SLC35F3: variants seen among roughly 807,000 people sequenced by gnomAD.
SLC35F3 encodes the protein putative thiamine transporter SLC35F3.
Under a neutral mutation model 49.9 loss-of-function variants are expected in SLC35F3, and 25 were observed. The observed-to-expected ratio is 0.50, with a 90% CI of 0.37 to 0.70. SLC35F3 has a LOEUF of 0.70. Ranked by LOEUF, SLC35F3 falls within the 30% of genes least tolerant of loss-of-function variation. The pLI is 0.00. For synonymous variants in SLC35F3, 275 were observed against 265.4 expected (o/e 1.04, Z -0.35); for missense variants, 525 against 639.8 (o/e 0.82, Z 1.94).
chr1:234,113,281 G>C (rs980826118), intron 2 of SLC35F3, among the ~76,000 whole-genome samples: 2 of 152,124 alleles, frequency 1.3e-5, no homozygotes, highest in Non-Finnish European at 2.9e-5. Flanking sequence ...ATGGAGCCAG[G>C]AGAAACCTGG....
At chr1:234,051,549 T>C (rs1420365733) in intron 2 of SLC35F3, among the ~76,000 whole-genome samples, 1 of 152,210 alleles carries the variant, frequency 6.6e-6, no homozygotes, top group Non-Finnish European at 1.5e-5. Flanking sequence ...GCTGAGATGA[T>C]GGGGTTTTCT....
At chr1:234,229,902 C>T (rs772712993) in intron 2 of SLC35F3, among the ~76,000 whole-genome samples, 4 of 152,280 alleles carry the variant, frequency 2.6e-5, no homozygotes, top group African/African-American at 7.2e-5. Flanking sequence ...GGCATAAGCG[C>T]GCAGATCCCC....
chr1:234,005,889 G>T (rs370757125), intron 2 of SLC35F3, among the ~76,000 whole-genome samples: 1 of 152,114 alleles, frequency 6.6e-6, no homozygotes, highest in East Asian at 1.9e-4. Context: ...ACTGGATCAC[G>T]CATCCTGACT....
At chr1:234,297,859 A>T (rs2102988916) in intron 3 of SLC35F3, among the ~76,000 whole-genome samples, 1 of 152,286 alleles carries the variant, frequency 6.6e-6, no homozygotes, top group Admixed American at 6.5e-5. Flanking sequence ...AGTTTCAGTT[A>T]TGCAAGATGA....
intron 2 of SLC35F3, among the ~76,000 whole-genome samples, chr1:234,107,865 G>A (rs572176407): frequency 7.9e-5 from 12 of 152,186 alleles, no homozygotes; most frequent in African/African-American, 2.6e-4. Context: ...ACACTTTATA[G>A]AAAAACATGG....
At chr1:234,073,649 G>C (rs1416024588) in intron 2 of SLC35F3, among the ~76,000 whole-genome samples, 5 of 152,152 alleles carry the variant, frequency 3.3e-5, no homozygotes, top group African/African-American at 1.2e-4. Flanking sequence ...CTGTGAATCA[G>C]ATCAATTTAA....
chr1:234,227,837 T>C (rs1033706639), intron 2 of SLC35F3, among the ~76,000 whole-genome samples: 7 of 152,196 alleles, frequency 4.6e-5, no homozygotes, highest in Admixed American at 4.6e-4. Flanking sequence ...AAAAGAGATA[T>C]AGCTTCCTCA....
intron 3 of SLC35F3, among the ~76,000 whole-genome samples, chr1:234,257,888 G>T (rs1275263499): frequency 6.6e-6 from 1 of 152,180 alleles, no homozygotes; most frequent in African/African-American, 2.4e-5. Context: ...CATTTGATAG[G>T]TATATGCATT....
chr1:233,911,383 G>T (rs573124859), intron 2 of SLC35F3, among the ~76,000 whole-genome samples: 2 of 152,310 alleles, frequency 1.3e-5, no homozygotes, highest in Non-Finnish European at 1.5e-5. Context: ...TATGAAATAT[G>T]AGATGGAGAA....
intron 2 of SLC35F3, among the ~76,000 whole-genome samples, chr1:233,947,543 C>T (rs780758753): frequency 1.9e-4 from 29 of 151,036 alleles, no homozygotes; most frequent in Non-Finnish European, 3.4e-4. Context: ...TTGAGGTCAG[C>T]GTCTTCTCAA....
chr1:234,152,857 G>A (rs377428102), intron 2 of SLC35F3, among the ~76,000 whole-genome samples: 77 of 152,238 alleles, frequency 5.1e-4, no homozygotes, highest in African/African-American at 1.3e-3. Flanking sequence ...ATGTAAAAGC[G>A]TTTCTATTTA....
intron 2 of SLC35F3, among the ~76,000 whole-genome samples, chr1:234,178,607 CA>C (rs773658103): frequency 3.3e-5 from 5 of 152,256 alleles, no homozygotes; most frequent in South Asian, 4.1e-4. Flanking sequence ...TGCTACCATT[CA>C]TGAACCCATA....
intron 2 of SLC35F3, among the ~76,000 whole-genome samples, chr1:234,175,445 A>G (rs1331516359): frequency 6.6e-6 from 1 of 152,098 alleles, no homozygotes; most frequent in East Asian, 1.9e-4. Context: ...CATCCCAAAA[A>G]CCTATTTAAA....
intron 7 of SLC35F3, among the ~76,000 whole-genome samples, chr1:234,322,377 T>C (rs1657641934): frequency 6.6e-6 from 1 of 152,160 alleles, no homozygotes; most frequent in African/African-American, 2.4e-5. Flanking sequence ...TATGTGTTAT[T>C]TGTGTTATGT....
chr1:234,189,250 T>C (rs1049032350), intron 2 of SLC35F3, among the ~76,000 whole-genome samples: 1 of 147,848 alleles, frequency 6.8e-6, no homozygotes, highest in Non-Finnish European at 1.5e-5. Flanking sequence ...ATTCAGAAGG[T>C]TGATTATTAA....
At chr1:234,068,006 G>A (rs1291330800) in intron 2 of SLC35F3, among the ~76,000 whole-genome samples, 1 of 152,128 alleles carries the variant, frequency 6.6e-6, no homozygotes, top group African/African-American at 2.4e-5. Flanking sequence ...TCTGGGCTTG[G>A]TTTCAGGTAA....
At chr1:234,225,615 T>C (rs1389381758) in intron 2 of SLC35F3, among the ~76,000 whole-genome samples, 2 of 152,226 alleles carry the variant, frequency 1.3e-5, no homozygotes, top group African/African-American at 2.4e-5. Flanking sequence ...AGGGAAAAGT[T>C]CTATCTGCCT....
intron 3 of SLC35F3, among the ~76,000 whole-genome samples, chr1:234,289,155 G>A (rs1395557561): frequency 6.6e-6 from 1 of 152,126 alleles, no homozygotes; most frequent in African/African-American, 2.4e-5. Context: ...CTTAGGAGAG[G>A]ATCACCCCCC....
chr1:234,241,193 A>G (rs1325373097), intron 3 of SLC35F3, among the ~76,000 whole-genome samples: 1 of 152,160 alleles, frequency 6.6e-6, no homozygotes, highest in African/African-American at 2.4e-5. Context: ...CCCTTCATAG[A>G]AACAGACATT....
Sources: gnomAD v4.1 joint callset for allele counts (sites outside exome capture counted in the v4.1 genomes callset) on GRCh38, gnomAD v4.1.1 for gene constraint, MANE v1.5 for transcripts, NCBI Gene and HGNC (gene_info 2026-07-23, HGNC 2026-07-21) for gene names.